Variants in FEZ2 observed in about 807,000 individuals in gnomAD.
The protein encoded by FEZ2 is fasciculation and elongation protein zeta-2.
Under a neutral mutation model 40.4 loss-of-function variants are expected in FEZ2, and 51 were observed. The ratio of observed to expected loss-of-function variants is 1.26; its 90% CI spans 1.01 to 1.59. The LOEUF (loss-of-function observed/expected upper bound fraction) is 1.59, where lower values mean the gene tolerates loss of function less well. Among genes scored for constraint, FEZ2 ranks in the 40% most tolerant of loss-of-function variants. The pLI is 0.00. For missense variants in FEZ2, 640 were observed against 438.3 expected (o/e 1.46, Z -4.11); for synonymous variants, 242 against 172.0 (o/e 1.41, Z -3.18).
chr2:36,563,291 C>G (rs1573003702), intron 5 of FEZ2, among the ~76,000 whole-genome samples: 1 of 152,232 alleles, frequency 6.6e-6, no homozygotes, highest in Non-Finnish European at 1.5e-5. Flanking sequence ...AAAAACAAAA[C>G]TAACAGCTGA....
chr2:36,582,669 T>C (rs1284951131), intron 3 of FEZ2, among the ~76,000 whole-genome samples: 1 of 152,214 alleles, frequency 6.6e-6, no homozygotes, highest in East Asian at 1.9e-4. Flanking sequence ...TTAATGTAAA[T>C]TTTTAATGTA....
At chr2:36,576,094 A>C (rs1327827325) in intron 5 of FEZ2, among the ~76,000 whole-genome samples, 1 of 152,176 alleles carries the variant, frequency 6.6e-6, no homozygotes, top group African/African-American at 2.4e-5. Context: ...AGGTCTTGCC[A>C]AGACTGCATG....
intron 1 of FEZ2, among the ~76,000 whole-genome samples, chr2:36,592,810 G>A (rs2148352243): frequency 6.6e-6 from 1 of 152,220 alleles, no homozygotes; most frequent in East Asian, 1.9e-4. Flanking sequence ...GCAAGACCCT[G>A]TCTCTAAAAA....
chr2:36,557,800 G>A (rs1667993705), intron 6 of FEZ2: 1 of 152,066 alleles, frequency 6.6e-6, no homozygotes. Context: ...CTCATTTGCG[G>A]CCATCATAAG....
At chr2:36,553,995 A>G (rs1533948) in intron 7 of FEZ2, among the ~76,000 whole-genome samples, 58,288 of 152,016 alleles carry the variant, frequency 0.38, 11,456 homozygotes, top group East Asian at 0.6. Flanking sequence ...TTGGGTAAAT[A>G]CATCTCCACA....
intron 3 of FEZ2, among the ~76,000 whole-genome samples, chr2:36,582,767 T>C (rs1032916841): frequency 2.6e-5 from 4 of 152,168 alleles, no homozygotes; most frequent in Non-Finnish European, 4.4e-5. Context: ...ACAGTCCGAG[T>C]AGCCATGGAA....
intron 5 of FEZ2, among the ~76,000 whole-genome samples, chr2:36,571,744 T>C (rs1343908594): frequency 7.0e-6 from 1 of 141,876 alleles, no homozygotes; most frequent in Non-Finnish European, 1.5e-5. Flanking sequence ...TGTGGCTCAC[T>C]CCTGTAATCC....
intron 5 of FEZ2, among the ~76,000 whole-genome samples, chr2:36,572,851 G>A (rs1378253250): frequency 6.6e-6 from 1 of 152,156 alleles, no homozygotes; most frequent in African/African-American, 2.4e-5. Context: ...CACAGAAACG[G>A]AGCAATGTAG....
chr2:36,566,069 T>C (rs184005856), intron 5 of FEZ2, among the ~76,000 whole-genome samples: 41 of 152,312 alleles, frequency 2.7e-4, no homozygotes, highest in Admixed American at 1.6e-3. Flanking sequence ...TTAACACCCA[T>C]GCCAGGGACA....
Position 36,578,723 on chromosome 2 carries a change from A to G in FEZ2, c.777T>C (p.Phe259=), listed in dbSNP as rs896793453. ...TTTGCACTTCAATAAGAACAGAAATAAAGCTGTTTTTCACTTCCTTTTCAA... is the reference window on the plus strand; with the variant it reads ...TTTGCACTTCAATAAGAACAGAAATGAAGCTGTTTTTCACTTCCTTTTCAA... The part of the protein sequence containing the change: ...LEFEKEVKNS[F]ISVLIEVQNK... Residue 259 remains phenylalanine (F), a synonymous_variant, in exon 5 of 8, where the codon TTT becomes TTC. Transcript: ENST00000405912. 1 of 1,613,874 alleles carries G rather than the reference A, an allele frequency of 6.2e-7. No homozygotes were observed. The highest frequency in any genetic ancestry group is 1.3e-5 in the African/African-American group (1 of 74,914).
intron 4 of FEZ2, among the ~76,000 whole-genome samples, chr2:36,579,992 G>C (rs998388630): frequency 3.9e-5 from 6 of 152,124 alleles, no homozygotes; most frequent in African/African-American, 1.4e-4. Context: ...GGACACAGTA[G>C]GAAGACCACG....
intron 2 of FEZ2, among the ~76,000 whole-genome samples, chr2:36,583,751 T>C (rs536469602): frequency 6.6e-6 from 1 of 152,274 alleles, no homozygotes; most frequent in African/African-American, 2.4e-5. Context: ...TAGCAAGTCA[T>C]AGGGAATTAC....
intron 5 of FEZ2, among the ~76,000 whole-genome samples, chr2:36,567,748 C>A (rs1263681556): frequency 6.8e-6 from 1 of 147,700 alleles, no homozygotes; most frequent in East Asian, 2.0e-4. Flanking sequence ...GGCAATAGAG[C>A]GAGACTCTGT....
Position 36,558,478 on chromosome 2 carries a change from G to A in FEZ2, c.939C>T (p.Asn313=), listed in dbSNP as rs760043724. Residue 313 remains asparagine, a synonymous_variant, in exon 6 of 8, where the codon AAC becomes AAT. Coordinates refer to ENST00000405912, the MANE Select transcript of FEZ2 (RefSeq NM_005102.3). The part of the protein sequence containing the change: ...LTTVIPYEKK[N]GPPSVEDLQI... ...GAAGATCTTCAACAGACGGTGGTCC[G>A]TTTTTTTTCTCATAAGGAATGACTG... 6.9e-5 allele frequency: 105 copies of A among 1,517,698 alleles called. No individual in the cohort carries two copies. The highest frequency in any genetic ancestry group is 7.6e-5 in the Non-Finnish European group (86 of 1,128,120). 94.0% of individuals were successfully genotyped at this position (1,517,698 alleles called of 1,614,324 possible). A position where few individuals can be genotyped will look rare whatever the true frequency, so the allele number is the denominator to read the frequency against.
chr2:36,581,255 GCA>G, intron 4 of FEZ2, 33 bp downstream of exon 4: 1 of 1,595,904 alleles, frequency 6.3e-7, no homozygotes, highest in Non-Finnish European at 8.6e-7. Context: ...CAGACAAAAA[GCA>G]CAGAAATCAT....
chr2:36,585,667 A>G (rs1274855770), intron 2 of FEZ2, among the ~76,000 whole-genome samples: 1 of 152,242 alleles, frequency 6.6e-6, no homozygotes, highest in Non-Finnish European at 1.5e-5. Flanking sequence ...AAGTAGAAAA[A>G]GAGAAAATGT....
intron 5 of FEZ2, among the ~76,000 whole-genome samples, chr2:36,577,173 A>C (rs992952056): frequency 6.6e-6 from 1 of 152,188 alleles, no homozygotes; most frequent in Non-Finnish European, 1.5e-5. Flanking sequence ...GGAATAACTA[A>C]ATAAACACCT....
chr2:36,583,815 A>C (rs931218913), intron 2 of FEZ2, among the ~76,000 whole-genome samples: 5 of 152,238 alleles, frequency 3.3e-5, no homozygotes, highest in Non-Finnish European at 7.3e-5. Flanking sequence ...TAAGATTGGT[A>C]GACGTTAACA....
chr2:36,580,464 T>G (rs150967394), intron 4 of FEZ2, among the ~76,000 whole-genome samples: 1 of 152,240 alleles, frequency 6.6e-6, no homozygotes, highest in African/African-American at 2.4e-5. Flanking sequence ...TGGCAATGAT[T>G]AGATACACAC....
Sources: allele counts gnomAD v4.1 joint callset (sites outside exome capture counted in the v4.1 genomes callset), GRCh38; gene constraint gnomAD v4.1.1; transcripts MANE v1.5; gene names NCBI Gene and HGNC (gene_info 2026-07-23, HGNC 2026-07-21).